The following THSD7A variants were observed in gnomAD, a reference collection of about 807,000 sequenced individuals.
THSD7A encodes thrombospondin type-1 domain-containing protein 7A.
A neutral mutation model predicts 231.3 loss-of-function variants in THSD7A; 96 were observed. The observed-to-expected ratio is 0.41, with a 90% CI of 0.35 to 0.49. The LOEUF (loss-of-function observed/expected upper bound fraction) is 0.49. Among genes scored for constraint, THSD7A ranks in the 20% least tolerant of loss-of-function variants. THSD7A has a pLI of 0.05. For missense variants in THSD7A, 2,290 were observed against 2,070.2 expected (o/e 1.11, Z -2.06); for synonymous variants, 940 against 743.3 (o/e 1.26, Z -4.30).
intron 2 of THSD7A, among the ~76,000 whole-genome samples, chr7:11,616,669 C>T (rs1028725519): frequency 5.9e-5 from 9 of 152,160 alleles, no homozygotes; most frequent in Admixed American, 2.6e-4. Flanking sequence ...CCTGTTCTCA[C>T]GTTGCCCAGC....
chr7:11,471,109 T>C (rs905070730), intron 8 of THSD7A, among the ~76,000 whole-genome samples: 1 of 151,956 alleles, frequency 6.6e-6, no homozygotes, highest in Non-Finnish European at 1.5e-5. Context: ...TAGAAAAAGA[T>C]GTAGCTTAGA....
intron 23 of THSD7A, among the ~76,000 whole-genome samples, chr7:11,390,090 C>A (rs1389220676): frequency 1.3e-5 from 2 of 152,096 alleles, no homozygotes; most frequent in Non-Finnish European, 2.9e-5. Flanking sequence ...GATTATGTGT[C>A]TTGGGGTTGC....
At chr7:11,540,215 A>G (rs943741271) in intron 6 of THSD7A, among the ~76,000 whole-genome samples, 1 of 152,236 alleles carries the variant, frequency 6.6e-6, no homozygotes, top group Non-Finnish European at 1.5e-5. Context: ...ATCTGGAGCA[A>G]TGATCTCCTT....
chr7:11,731,835 A>T (rs1454095159), intron 1 of THSD7A, among the ~76,000 whole-genome samples: 2 of 151,626 alleles, frequency 1.3e-5, no homozygotes, highest in East Asian at 3.9e-4. Flanking sequence ...GAGACATGGC[A>T]TTCCATCCCT....
chr7:11,679,893 T>A (rs1584199646), intron 1 of THSD7A, among the ~76,000 whole-genome samples: 1 of 151,810 alleles, frequency 6.6e-6, no homozygotes, highest in East Asian at 1.9e-4. Flanking sequence ...GCCAAGACAA[T>A]CAGAAGCAAA....
intron 1 of THSD7A, among the ~76,000 whole-genome samples, chr7:11,686,020 A>G (rs1276665512): frequency 6.6e-6 from 1 of 151,946 alleles, no homozygotes; most frequent in East Asian, 1.9e-4. Flanking sequence ...TACACCATGG[A>G]ATACTATACA....
intron 1 of THSD7A, among the ~76,000 whole-genome samples, chr7:11,769,919 G>T (rs1296046212): frequency 1.3e-5 from 2 of 151,938 alleles, no homozygotes; most frequent in Non-Finnish European, 2.9e-5. Flanking sequence ...CAACATTTTT[G>T]AAAACTGACA....
In THSD7A at chr7:11,703,912, A is replaced by T. The variant is rs573963245; in HGVS notation, c.191-66951T>A. Among the ~76,000 whole-genome samples the T allele has an allele frequency of 1.1e-4, 17 of 151,330 alleles. 1 individual carries two copies. In the South Asian group the frequency reaches 3.3e-3, roughly 30 times the overall value. ...CTAGTACAGTGAAGAAGGAAAAAGA[A>T]TTTCTCACACTGAAACTGGAATTAA... On this transcript the variant is annotated intron_variant, in intron 1 of 27. Transcript: ENST00000423059.
At chr7:11,613,342 G>T (rs1780995939) in intron 2 of THSD7A, among the ~76,000 whole-genome samples, 1 of 152,198 alleles carries the variant, frequency 6.6e-6, no homozygotes, top group African/African-American at 2.4e-5. Context: ...CTAATTGGCA[G>T]CCCTGGGTGA....
At chr7:11,687,174 C>T (rs1780083797) in intron 1 of THSD7A, among the ~76,000 whole-genome samples, 1 of 151,836 alleles carries the variant, frequency 6.6e-6, no homozygotes, top group African/African-American at 2.4e-5. Flanking sequence ...CCTTACTTGC[C>T]TCACCTTGGT....
chr7:11,710,275 A>G (rs974460975), intron 1 of THSD7A, among the ~76,000 whole-genome samples: 1 of 150,706 alleles, frequency 6.6e-6, no homozygotes, highest in Admixed American at 6.6e-5. Context: ...ACAAGAAAAA[A>G]AAAAAGAAAA....
At chr7:11,455,674 T>C (rs1291451489) in intron 11 of THSD7A, among the ~76,000 whole-genome samples, 1 of 152,066 alleles carries the variant, frequency 6.6e-6, no homozygotes, top group Non-Finnish European at 1.5e-5. Context: ...ATATATAAAA[T>C]ATAGATTTTA....
At chr7:11,585,778 CA>C (rs1315399668) in intron 4 of THSD7A, among the ~76,000 whole-genome samples, 2 of 152,130 alleles carry the variant, frequency 1.3e-5, no homozygotes, top group Non-Finnish European at 2.9e-5. Flanking sequence ...CACACACACC[CA>C]CACTCACTCA....
At position 11,462,269 on chromosome 7, in the gene THSD7A, C is replaced by T. The variant is rs528826175; in HGVS notation, c.2369-126G>A. The T allele has an allele frequency of 4.3e-5, 43 of 1,006,478 alleles. No individual in the cohort carries two copies. The South Asian group carries it at 7.1e-4, about 17-fold the overall frequency. 62.3% of individuals were successfully genotyped at this position (1,006,478 alleles called of 1,614,324 possible). A position where few individuals can be genotyped will look rare whatever the true frequency, so the allele number is the denominator to read the frequency against. On this transcript the variant is annotated intron_variant, in intron 9 of 27. Coordinates refer to ENST00000423059, the MANE Select transcript of THSD7A (RefSeq NM_015204.3). ...GCTTTGACATCCCTGAGAGGCTTCA[C>T]CTGGTCTAAACATTCACTAAATTCT...
chr7:11,564,160 A>T (rs192661287), intron 4 of THSD7A, among the ~76,000 whole-genome samples: 3 of 152,196 alleles, frequency 2.0e-5, no homozygotes, highest in South Asian at 2.1e-4. Flanking sequence ...CAAATATTTG[A>T]AAAAAGGACG....
At chr7:11,459,290 T>A (rs7811849) in intron 11 of THSD7A, among the ~76,000 whole-genome samples, 29,444 of 151,954 alleles carry the variant, frequency 0.19, 4,267 homozygotes, top group African/African-American at 0.41. Context: ...CTAAAACTTA[T>A]GTTTCCTGAT....
At chr7:11,428,795 A>G (rs1317104160) in intron 14 of THSD7A, 152 bp downstream of exon 14, 6 of 794,988 alleles carry the variant, frequency 7.5e-6, no homozygotes, top group African/African-American at 7.1e-5. Flanking sequence ...TGAAATTTTA[A>G]TAACATGTAT....
At chr7:11,499,225 C>T (rs901235472) in intron 6 of THSD7A, among the ~76,000 whole-genome samples, 1 of 152,196 alleles carries the variant, frequency 6.6e-6, no homozygotes, top group Middle Eastern at 3.2e-3. Flanking sequence ...AGACAGGGAA[C>T]TCCTGGCTTG....
At chr7:11,528,844 C>CT (rs1008001305) in intron 6 of THSD7A, among the ~76,000 whole-genome samples, 55 of 151,582 alleles carry the variant, frequency 3.6e-4, no homozygotes, top group African/African-American at 1.1e-3. Context: ...TTCCTGGTGA[C>CT]TTTTTTTTTG....
Sources: allele counts gnomAD v4.1 joint callset (sites outside exome capture counted in the v4.1 genomes callset), GRCh38; gene constraint gnomAD v4.1.1; transcripts MANE v1.5; gene names NCBI Gene and HGNC (gene_info 2026-07-23, HGNC 2026-07-21).